The following SOS1 variants were observed in gnomAD, a reference collection of about 807,000 sequenced individuals.
SOS1 encodes SOS Ras/Rac guanine nucleotide exchange factor 1.
Under a neutral mutation model 157.6 loss-of-function variants are expected in SOS1, and 25 were observed. That is an observed-to-expected ratio of 0.16 (90% CI 0.12 to 0.22). SOS1 has a LOEUF of 0.22. Among genes scored for constraint, SOS1 ranks in the 10% least tolerant of loss-of-function variants. The probability of loss-of-function intolerance (pLI) is 1.00; values close to 1 mark genes in which losing one functional copy is unlikely to be tolerated. For missense variants in SOS1, 1,237 were observed against 1,599.1 expected, an observed-to-expected ratio of 0.77 and a Z score of 3.86; for synonymous variants, 528 against 534.0, an observed-to-expected ratio of 0.99 and a Z score of 0.16.
intron 10 of SOS1, among the ~76,000 whole-genome samples, chr2:39,019,294 G>T (rs528050587): frequency 3.3e-5 from 5 of 151,768 alleles, no homozygotes; most frequent in African/African-American, 1.2e-4. Context: ...ACTGGACACA[G>T]CACCACCTAC....
At chr2:39,052,046 T>C (rs1240775905) in intron 5 of SOS1, among the ~76,000 whole-genome samples, 1 of 152,150 alleles carries the variant, frequency 6.6e-6, no homozygotes, top group Non-Finnish European at 1.5e-5. Flanking sequence ...GATACCTAAA[T>C]ACCCAGTAAA....
chr2:39,038,395 A>G (rs1010210433), intron 6 of SOS1, among the ~76,000 whole-genome samples: 2 of 152,166 alleles, frequency 1.3e-5, no homozygotes, highest in African/African-American at 4.8e-5. Flanking sequence ...CTGCAAGTTT[A>G]TGATAAAACT....
intron 6 of SOS1, among the ~76,000 whole-genome samples, chr2:39,046,753 T>C (rs13392116): frequency 1.4e-4 from 22 of 152,134 alleles, no homozygotes; most frequent in African/African-American, 5.3e-4. Flanking sequence ...CCTGCCCACC[T>C]TGGCCTCCCA....
intron 19 of SOS1, 69 bp from the exon 20 acceptor site, chr2:38,995,456 GC>G: frequency 7.9e-7 from 1 of 1,265,282 alleles, no homozygotes; most frequent in African/African-American, 1.5e-5. Context: ...TTCTATATGT[GC>G]CTGGTAAAAT....
chr2:39,092,566 CTGTT>C (rs1324183032), intron 1 of SOS1, among the ~76,000 whole-genome samples: 4 of 152,090 alleles, frequency 2.6e-5, no homozygotes, highest in East Asian at 3.8e-4. Flanking sequence ...ATTTCTTTGT[CTGTT>C]TATTTGTCTG....
chr2:39,053,265 TCAACTTTTGGTATTATAAGTCATTTA>T (rs1319482426), intron 5 of SOS1, among the ~76,000 whole-genome samples: 26 of 152,242 alleles, frequency 1.7e-4, no homozygotes, highest in Non-Finnish European at 2.5e-4. Flanking sequence ...CATACCCATT[TCAACTTTTGGTATTATAAGTCATTTA>T]CATTTTAGCC....
intron 6 of SOS1, among the ~76,000 whole-genome samples, chr2:39,044,636 T>G (rs1055523390): frequency 1.3e-5 from 2 of 152,164 alleles, no homozygotes; most frequent in Non-Finnish European, 2.9e-5. Context: ...ATATGCAGAT[T>G]TTTTTCAACC....
chr2:39,079,267 A>G (rs1672122559), intron 1 of SOS1, among the ~76,000 whole-genome samples: 1 of 119,672 alleles, frequency 8.4e-6, no homozygotes, highest in Non-Finnish European at 1.8e-5. Flanking sequence ...TGGGGCAAAA[A>G]TATAAGTTAC....
intron 1 of SOS1, among the ~76,000 whole-genome samples, chr2:39,087,469 A>C (rs771334824): frequency 1.4e-4 from 21 of 152,214 alleles, no homozygotes; most frequent in Non-Finnish European, 2.6e-4. Context: ...GAATATTTAC[A>C]ATGGCCTGAA....
intron 1 of SOS1, among the ~76,000 whole-genome samples, chr2:39,086,879 C>G (rs867856732): frequency 7.9e-5 from 12 of 152,134 alleles, no homozygotes; most frequent in African/African-American, 2.4e-4. Flanking sequence ...GTGGCATGAT[C>G]TTGGCTCACT....
chr2:39,106,387 G>A (rs371030173), intron 1 of SOS1, among the ~76,000 whole-genome samples: 84 of 151,764 alleles, frequency 5.5e-4, no homozygotes, highest in Middle Eastern at 6.8e-3. Flanking sequence ...TCAGGAGATC[G>A]AGACCATCCC....
At position 38,986,226 on chromosome 2, in the gene SOS1, G is replaced by T. The variant is rs141594736; in HGVS notation, c.3600C>A (p.Asp1200Glu). Residue 1200 changes from aspartate (D) to glutamate (E), a missense_variant, in exon 23 of 23, where the codon GAC becomes GAA. By Grantham distance (45) the Asp-to-Glu change is conservative. Around this residue, in one of 15 missense-constraint regions of SOS1, gnomAD observed 306 missense variants for 322.6 expected, o/e 0.95. Coordinates refer to ENST00000402219, the MANE Select transcript of SOS1 (RefSeq NM_005633.4). ...KAYSPRYSIS[D>E]RTSISDPPES... The stretch of plus-strand genomic sequence containing the variant: ...CAGGAGGGTCTGAGATAGAGGTCCG[G>T]TCTGATATTGAATATCGTGGTGAAT... The T allele has an allele frequency of 9.9e-6, 16 of 1,613,778 alleles. No individual in the cohort carries two copies. The highest frequency in any genetic ancestry group is 8.5e-6 in the Non-Finnish European group (10 of 1,179,884).
In SOS1 at chr2:39,006,542, A is replaced by G. The variant is rs1669287310; in HGVS notation, c.2674-13T>C. Reference sequence around the variant, plus strand: ...GACTTGGTATTTGCTATAAGGAAAAAAAATAGGCGTAAGTTTACAAAAGGA... The same window carrying G: ...GACTTGGTATTTGCTATAAGGAAAAGAAATAGGCGTAAGTTTACAAAAGGA... On this transcript the variant is annotated splice_polypyrimidine_tract_variant and intron_variant, in intron 16 of 22. Transcript: ENST00000402219. 2.3e-6 allele frequency: 3 copies of G among 1,287,712 alleles called. No homozygotes were observed. The highest frequency in any genetic ancestry group is 3.4e-6 in the Non-Finnish European group (3 of 882,728). The allele number at this position is 1,287,712 out of a possible 1,614,324, so 79.8% of individuals were successfully genotyped here. A position where few individuals can be genotyped will look rare whatever the true frequency, so the allele number is the denominator to read the frequency against.
chr2:39,074,856 A>G (rs1208749121), intron 1 of SOS1, among the ~76,000 whole-genome samples: 1 of 151,748 alleles, frequency 6.6e-6, no homozygotes, highest in Non-Finnish European at 1.5e-5. Flanking sequence ...AACAAGAGCA[A>G]AAGTCTGCCT....
chr2:39,057,482 G>A (rs543486884), intron 3 of SOS1, among the ~76,000 whole-genome samples: 1 of 151,870 alleles, frequency 6.6e-6, no homozygotes, highest in African/African-American at 2.4e-5. Context: ...TGTTCATACA[G>A]AATAACAAAT....
At chr2:39,064,647 A>G (rs1277110070) in intron 2 of SOS1, among the ~76,000 whole-genome samples, 1 of 151,826 alleles carries the variant, frequency 6.6e-6, no homozygotes, top group African/African-American at 2.4e-5. Context: ...TCTCCAATCA[A>G]CACAGCCTCT....
intron 10 of SOS1, among the ~76,000 whole-genome samples, chr2:39,017,504 G>T (rs566190496): frequency 6.6e-6 from 1 of 152,058 alleles, no homozygotes; most frequent in South Asian, 2.1e-4. Flanking sequence ...TCTGCAGCTG[G>T]CAGTGAAATA....
Position 39,013,928 on chromosome 2 carries a change from G to T in SOS1, c.2002C>A (p.Gln668Lys). The change falls in exon 12 of 23, where the codon CAA becomes AAA. Residue 668 changes from glutamine (Q) to lysine (K), a missense_variant. Physicochemically the swap from Gln to Lys is moderately conservative, Grantham distance 53 (BLOSUM62 1). This residue lies in a region of SOS1 where 55 missense variants were observed against 43.1 expected (regional missense o/e 1.27). Transcript: ENST00000402219. ...CTTTTCAGTTCTGCACTCAAGGGTT[G>T]ATCTCCATTCTCTATAGCTATGCGA... ...ADRIAIENGD[Q>K]PLSAELKRFR... 1 of 1,605,322 alleles carries T rather than the reference G, an allele frequency of 6.2e-7. No homozygotes were observed. The highest frequency in any genetic ancestry group is 1.1e-5 in the South Asian group (1 of 90,924).
chr2:39,061,320 G>A (rs1200261255), intron 2 of SOS1, among the ~76,000 whole-genome samples: 2 of 147,434 alleles, frequency 1.4e-5, no homozygotes, highest in Non-Finnish European at 3.0e-5. Flanking sequence ...TTTATTTCTT[G>A]TAGTGGCAAA....
Sources: gnomAD v4.1 joint callset for allele counts (sites outside exome capture counted in the v4.1 genomes callset) on GRCh38, gnomAD v4.1.1 for gene constraint, gnomAD v4.1.1 regional missense constraint, MANE v1.5 for transcripts, NCBI Gene and HGNC (gene_info 2026-07-23, HGNC 2026-07-21) for gene names.